Variants in TAF1 observed in about 807,000 individuals in gnomAD.
TAF1 encodes the protein TATA-box binding protein associated factor 1.
In TAF1, 2 loss-of-function variants were observed where a neutral mutation model predicts 138.5. That is an observed-to-expected ratio of 0.01 (90% CI 0.01 to 0.05). The LOEUF (loss-of-function observed/expected upper bound fraction) is 0.05. TAF1 is among the 10% of genes least tolerant of loss of function. The probability of loss-of-function intolerance (pLI) is 1.00; values close to 1 mark genes in which losing one functional copy is unlikely to be tolerated. For missense variants in TAF1, 709 were observed against 1,478.0 expected, an observed-to-expected ratio of 0.48 and a Z score of 8.53; for synonymous variants, 437 against 503.2, an observed-to-expected ratio of 0.87 and a Z score of 1.76.
intron 11 of TAF1, 37 bp downstream of exon 11, chrX:71,382,905 C>T: frequency 2.5e-6 from 3 of 1,193,882 alleles, no homozygotes; most frequent in Non-Finnish European, 3.4e-6. Flanking sequence ...GAGGAGAACC[C>T]CATGGCTTTG....
chrX:71,503,277 AATATATATATATATATATGTGTAT>A (rs2039546529), intron 13 of TAF1, among the ~76,000 whole-genome samples: 2 of 90,169 alleles, frequency 2.2e-5, no homozygotes, highest in Admixed American at 1.3e-4. Flanking sequence ...TCAAAAAAAA[AATATATATATATATATATGTGTAT>A]ATATATATAT....
At chrX:71,484,456 C>G (rs1301108141) in intron 13 of TAF1, among the ~76,000 whole-genome samples, 2 of 109,474 alleles carry the variant, frequency 1.8e-5, no homozygotes, top group African/African-American at 6.7e-5. Context: ...CCTCAGCCTC[C>G]CAAGTAACTG....
intron 13 of TAF1, among the ~76,000 whole-genome samples, chrX:71,509,925 G>A (rs2039700864): frequency 9.0e-6 from 1 of 110,722 alleles, no homozygotes; most frequent in South Asian, 3.9e-4. Flanking sequence ...GTTGCAATGA[G>A]CCAAGATTGC....
At chrX:71,409,899 AT>A (rs1192152245) in intron 28 of TAF1, among the ~76,000 whole-genome samples, 13 of 101,305 alleles carry the variant, frequency 1.3e-4, no homozygotes, top group South Asian at 8.6e-4. Flanking sequence ...ACCTCTTTTT[AT>A]TTTTTTTTTT....
At chrX:71,471,780 C>G (rs934899129) in intron 13 of TAF1, among the ~76,000 whole-genome samples, 1 of 111,729 alleles carries the variant, frequency 9.0e-6, no homozygotes, top group African/African-American at 3.2e-5. Flanking sequence ...CCAAATACCC[C>G]CTAGACGTTT....
chrX:71,446,028 A>T (rs1290431452), intron 32 of TAF1, among the ~76,000 whole-genome samples: 4 of 108,163 alleles, frequency 3.7e-5, no homozygotes, highest in Non-Finnish European at 7.6e-5. Context: ...CTTGTGCCTC[A>T]GCCTCCCAAG....
intron 13 of TAF1, among the ~76,000 whole-genome samples, chrX:71,484,434 G>A (rs2039136327): frequency 9.2e-6 from 1 of 109,123 alleles, no homozygotes; most frequent in Non-Finnish European, 1.9e-5. Context: ...CCGGGTTCAA[G>A]TGATTCTCCT....
Position 71,389,681 on chromosome X carries a change from A to T in TAF1, c.2781+16A>T. On this transcript the variant is annotated intron_variant, in intron 18 of 37. Coordinates refer to ENST00000423759, the MANE Select transcript of TAF1 (RefSeq NM_004606.5). ...TGATGATGAAGTAAGGCTTTATACT[A>T]GTTTGTATTAGTCATTAATACATCT... 8.9e-7 allele frequency: 1 copy of T among 1,118,290 alleles called. No homozygotes were observed. The highest frequency in any genetic ancestry group is 1.2e-6 in the Non-Finnish European group (1 of 821,148). The allele number at this position is 1,118,290 out of a possible 1,213,427, so 92.2% of individuals were successfully genotyped here. A position where few individuals can be genotyped will look rare whatever the true frequency, so the allele number is the denominator to read the frequency against.
At chrX:71,471,780 C>A (rs934899129) in intron 13 of TAF1, among the ~76,000 whole-genome samples, 4 of 111,729 alleles carry the variant, frequency 3.6e-5, no homozygotes, top group African/African-American at 6.5e-5. Context: ...CCAAATACCC[C>A]CTAGACGTTT....
chrX:71,437,945 C>T (rs1421601287), intron 32 of TAF1, among the ~76,000 whole-genome samples: 1 of 106,575 alleles, frequency 9.4e-6, no homozygotes, highest in African/African-American at 3.4e-5. Context: ...AAACGTTTCT[C>T]CTGCCTCAGC....
chrX:71,421,003 C>G (rs1415291387), intron 28 of TAF1, among the ~76,000 whole-genome samples: 5 of 113,015 alleles, frequency 4.4e-5, no homozygotes, highest in South Asian at 3.6e-4. Context: ...TTTAGGCATT[C>G]TTAAAGAAAT....
At chrX:71,427,357 C>T (rs1602637433) in intron 32 of TAF1, among the ~76,000 whole-genome samples, 1 of 111,481 alleles carries the variant, frequency 9.0e-6, no homozygotes, top group South Asian at 3.8e-4. Flanking sequence ...TATGAAAACA[C>T]CTAATCACCC....
intron 32 of TAF1, among the ~76,000 whole-genome samples, chrX:71,441,139 G>T (rs1251229445): frequency 2.7e-5 from 3 of 110,417 alleles, no homozygotes; most frequent in Non-Finnish European, 5.7e-5. Flanking sequence ...GGCTTCAAGT[G>T]ATCCTCCCAC....
chrX:71,511,329 G>A (rs1175074294), intron 13 of TAF1, among the ~76,000 whole-genome samples: 4 of 111,836 alleles, frequency 3.6e-5, no homozygotes, highest in African/African-American at 9.8e-5. Context: ...AGGTCCCTAG[G>A]GGCCAGGACC....
intron 32 of TAF1, among the ~76,000 whole-genome samples, chrX:71,444,745 CTCTTTTTTTT>C (rs967098289): frequency 2.2e-4 from 24 of 109,920 alleles, no homozygotes; most frequent in African/African-American, 7.3e-4. Flanking sequence ...GTATCTCTCT[CTCTTTTTTTT>C]TCTTTTTTTG....
chrX:71,366,523 C>CCG, intron 1 of TAF1, 29 bp downstream of exon 1: 1 of 127,780 alleles, frequency 7.8e-6, no homozygotes, highest in Non-Finnish European at 1.2e-5. Flanking sequence ...GGGTAGGGCT[C>CCG]GGGGGGTGGG....
At chrX:71,502,513 T>A (rs2039530050) in intron 13 of TAF1, among the ~76,000 whole-genome samples, 2 of 112,953 alleles carry the variant, frequency 1.8e-5, no homozygotes, top group Non-Finnish European at 3.7e-5. Context: ...GCTTCACCTC[T>A]CAGTATGATA....
intron 28 of TAF1, among the ~76,000 whole-genome samples, chrX:71,418,684 T>A (rs1280776210): frequency 9.0e-6 from 1 of 111,598 alleles, no homozygotes; most frequent in Non-Finnish European, 1.9e-5. Context: ...ATTAGGGCAT[T>A]CATAAGCAGG....
chrX:71,468,830 GA>G (rs1348913507), downstream of TAF1, among the ~76,000 whole-genome samples: 10 of 99,773 alleles, frequency 1.0e-4, no homozygotes, highest in East Asian at 3.2e-4. Flanking sequence ...CTGTCTCTAC[GA>G]AAAAAAAAAG....
Sources: allele counts gnomAD v4.1 joint callset (sites outside exome capture counted in the v4.1 genomes callset), GRCh38; gene constraint gnomAD v4.1.1; transcripts MANE v1.5; gene names NCBI Gene and HGNC (gene_info 2026-07-23, HGNC 2026-07-21).